Variants in ZNF536 observed in about 807,000 individuals in gnomAD.
The protein encoded by ZNF536 is zinc finger protein 536.
In ZNF536, 13 loss-of-function variants were observed where a neutral mutation model predicts 84.5. That is an observed-to-expected ratio of 0.15 (90% CI 0.10 to 0.24). The LOEUF (loss-of-function observed/expected upper bound fraction) is 0.24. ZNF536 is among the 10% of genes least tolerant of loss of function. The pLI, the probability that ZNF536 is intolerant of heterozygous loss-of-function variation, is 1.00. For missense variants in ZNF536, 1,536 were observed against 1,747.5 expected, an observed-to-expected ratio of 0.88 and a Z score of 2.16; for synonymous variants, 811 against 742.5, an observed-to-expected ratio of 1.09 and a Z score of -1.50.
chr19:30,511,544 T>C (rs1358781684), intron 2 of ZNF536, among the ~76,000 whole-genome samples: 3 of 152,192 alleles, frequency 2.0e-5, no homozygotes, highest in Admixed American at 6.5e-5. Context: ...TGTCTCAGCC[T>C]TCATTGTGTC....
intron 2 of ZNF536, among the ~76,000 whole-genome samples, chr19:30,511,987 A>C (rs1370377986): frequency 1.3e-5 from 2 of 152,206 alleles, no homozygotes; most frequent in Non-Finnish European, 2.9e-5. Context: ...TAATCCATAC[A>C]TTTACATTAA....
chr19:30,614,345 T>G (rs1473586171), intron 1 of ZNF536, among the ~76,000 whole-genome samples: 5 of 152,144 alleles, frequency 3.3e-5, no homozygotes, highest in South Asian at 2.1e-4. Context: ...TACTATAATT[T>G]ACTTAACCAT....
At chr19:30,289,273 G>A (rs2045750630) in intron 2 of ZNF536, among the ~76,000 whole-genome samples, 1 of 152,226 alleles carries the variant, frequency 6.6e-6, no homozygotes, top group Non-Finnish European at 1.5e-5. Context: ...AGCTTCCACT[G>A]AAATTTAATG....
At chr19:30,313,488 A>T (rs1360963949) in intron 2 of ZNF536, among the ~76,000 whole-genome samples, 1 of 151,968 alleles carries the variant, frequency 6.6e-6, no homozygotes, top group African/African-American at 2.4e-5. Context: ...GGGGAAGCCC[A>T]CCCACTCCGC....
At chr19:30,636,016 C>T (rs1307680373) in intron 1 of ZNF536, among the ~76,000 whole-genome samples, 5 of 152,170 alleles carry the variant, frequency 3.3e-5, no homozygotes, top group Non-Finnish European at 7.3e-5. Flanking sequence ...GCAACGTTTT[C>T]CAGAAGGGTC....
intron 1 of ZNF536, among the ~76,000 whole-genome samples, chr19:30,415,530 G>A (rs928686176): frequency 2.0e-5 from 3 of 151,284 alleles, no homozygotes; most frequent in African/African-American, 4.9e-5. Context: ...TCTTTCAAAC[G>A]TAATTCTTTT....
At chr19:30,686,402 C>T (rs1182992560) in intron 1 of ZNF536, among the ~76,000 whole-genome samples, 1 of 152,216 alleles carries the variant, frequency 6.6e-6, no homozygotes, top group Non-Finnish European at 1.5e-5. Flanking sequence ...CGGGCATCCC[C>T]GTTGTGTGTC....
At chr19:30,682,897 C>G (rs2051032634) in intron 1 of ZNF536, among the ~76,000 whole-genome samples, 1 of 152,188 alleles carries the variant, frequency 6.6e-6, no homozygotes, top group African/African-American at 2.4e-5. Flanking sequence ...TCCATGACGA[C>G]AAGATGGTAT....
chr19:30,327,920 A>T (rs1429613750), intron 2 of ZNF536, among the ~76,000 whole-genome samples: 1 of 152,228 alleles, frequency 6.6e-6, no homozygotes, highest in Non-Finnish European at 1.5e-5. Context: ...CAGTAGAATG[A>T]GCAGGCGGGA....
rs150163478 is a variant in ZNF536 at position 30,478,788 on chromosome 19, G to A, written c.2170+33056G>A. ...AAGGGACAAAATGTGGTATAGCTTCGAGTCTTGAGCCTTGTCTGCTTTTCT... is the reference window on the plus strand; with the variant it reads ...AAGGGACAAAATGTGGTATAGCTTCAAGTCTTGAGCCTTGTCTGCTTTTCT... On this transcript the variant is annotated intron_variant, in intron 2 of 4. Transcript: ENST00000355537. 3.3e-3 allele frequency among the ~76,000 whole-genome samples: 504 copies of A among 152,254 alleles called. 1 individual carries two copies. Among genetic ancestry groups the A allele is most frequent in the Admixed American group, 6.2e-3 (95 of 15,304 alleles).
chr19:30,632,696 G>A (rs779884475), intron 1 of ZNF536, among the ~76,000 whole-genome samples: 25 of 151,368 alleles, frequency 1.7e-4, no homozygotes, highest in Non-Finnish European at 2.9e-5. Context: ...CCAACCAGAA[G>A]TCCTGACTAG....
At chr19:30,646,438 C>T (rs1254193088) in intron 1 of ZNF536, among the ~76,000 whole-genome samples, 2 of 152,184 alleles carry the variant, frequency 1.3e-5, no homozygotes, top group African/African-American at 2.4e-5. Context: ...TGCATCTTTG[C>T]AAGGTGTGAA....
At chr19:30,398,574 G>A (rs1401562043) in intron 1 of ZNF536, among the ~76,000 whole-genome samples, 2 of 152,010 alleles carry the variant, frequency 1.3e-5, no homozygotes, top group African/African-American at 4.8e-5. Flanking sequence ...AGTGTGTGAT[G>A]TTCCCCTCCC....
At chr19:30,658,791 G>C (rs774153152) in intron 1 of ZNF536, among the ~76,000 whole-genome samples, 20 of 152,108 alleles carry the variant, frequency 1.3e-4, no homozygotes, top group Non-Finnish European at 1.9e-4. Context: ...CTTGTTCACA[G>C]CTTAGTCCCC....
intron 2 of ZNF536, among the ~76,000 whole-genome samples, chr19:30,289,925 G>A (rs1453280632): frequency 6.6e-6 from 1 of 152,118 alleles, no homozygotes; most frequent in East Asian, 1.9e-4. Context: ...AAAGTTTAGA[G>A]TTCAGTGGCA....
At chr19:30,473,170 C>T (rs1789137291) in intron 2 of ZNF536, among the ~76,000 whole-genome samples, 1 of 151,926 alleles carries the variant, frequency 6.6e-6, no homozygotes, top group Non-Finnish European at 1.5e-5. Flanking sequence ...CATGTCACTG[C>T]ACTCCAGCCT....
chr19:30,693,047 A>C, intron 1 of ZNF536, among the ~76,000 whole-genome samples: 1 of 151,202 alleles, frequency 6.6e-6, no homozygotes, highest in South Asian at 2.1e-4. Context: ...AGAGAGAGAG[A>C]GAGTGTGTGT....
At chr19:30,257,727 T>G (rs1325701900) in intron 1 of ZNF536, among the ~76,000 whole-genome samples, 1 of 152,158 alleles carries the variant, frequency 6.6e-6, no homozygotes, top group Non-Finnish European at 1.5e-5. Flanking sequence ...GGGCTGAAGA[T>G]CTGGGAGGGA....
chr19:30,277,313 A>G (rs1025151049), intron 1 of ZNF536, among the ~76,000 whole-genome samples: 4 of 152,180 alleles, frequency 2.6e-5, no homozygotes, highest in Non-Finnish European at 2.9e-5. Flanking sequence ...TAAAGCATGT[A>G]AAAATACATG....
Sources: gnomAD v4.1 joint callset for allele counts (sites outside exome capture counted in the v4.1 genomes callset) on GRCh38, gnomAD v4.1.1 for gene constraint, MANE v1.5 for transcripts, NCBI Gene and HGNC (gene_info 2026-07-23, HGNC 2026-07-21) for gene names.